BLTP1: variants seen among roughly 807,000 people sequenced by gnomAD.
The protein encoded by BLTP1 is bridge-like lipid transfer protein family member 1.
the BLTP1 span, chr4:122,247,299 T>G: frequency 3.1e-6 from 5 of 1,613,448 alleles, no homozygotes; most frequent in Non-Finnish European, 4.2e-6. Flanking sequence ...GCAAAGAAAT[T>G]GCAGCTAAGT....
chr4:122,179,887 C>T, the BLTP1 span: 1 of 985,272 alleles, frequency 1.0e-6, no homozygotes, highest in Non-Finnish European at 1.2e-6. Context: ...TCCCTGCCCC[C>T]CACATACAGA....
chr4:122,256,038 A>G, the BLTP1 span: 2 of 981,924 alleles, frequency 2.0e-6, no homozygotes, highest in African/African-American at 1.7e-5. Flanking sequence ...CACAAAATAA[A>G]TACAATCCAT....
the BLTP1 span, among the ~76,000 whole-genome samples, chr4:122,297,140 T>C: frequency 6.6e-6 from 1 of 152,002 alleles, no homozygotes. Context: ...ACAGACAGAA[T>C]GGGGAAAATT....
At chr4:122,295,576 C>CTTTTTTATAAGGAG in the BLTP1 span, among the ~76,000 whole-genome samples, 18 of 152,108 alleles carry the variant, frequency 1.2e-4, no homozygotes, top group African/African-American at 4.3e-4. Context: ...GGAGGGACTC[C>CTTTTTTATAAGGAG]TCCCTAACTC....
chr4:122,240,013 A>T, the BLTP1 span: 55 of 1,614,072 alleles, frequency 3.4e-5, no homozygotes, highest in Non-Finnish European at 4.5e-5. Context: ...CTTACTGGAC[A>T]TGGAGAAAGC....
At chr4:122,362,003 T>C in the BLTP1 span, 10 of 1,583,984 alleles carry the variant, frequency 6.3e-6, no homozygotes, top group South Asian at 1.0e-4. Context: ...ATTACACTCC[T>C]TAATAATAAC....
chr4:122,211,037 C>T, the BLTP1 span: 1 of 1,608,974 alleles, frequency 6.2e-7, no homozygotes, highest in Non-Finnish European at 8.5e-7. Context: ...ATGGAACTTT[C>T]TCCAGATTCT....
At chr4:122,360,237 C>T in the BLTP1 span, among the ~76,000 whole-genome samples, 6 of 152,312 alleles carry the variant, frequency 3.9e-5, no homozygotes, top group Admixed American at 2.0e-4. Context: ...TCAAATTTAA[C>T]ACTATCAGAT....
chr4:122,267,393 A>G, the BLTP1 span, among the ~76,000 whole-genome samples: 1 of 152,118 alleles, frequency 6.6e-6, no homozygotes. Context: ...TCAGAAGATA[A>G]TTACCTTTTA....
chr4:122,262,395 A>G, the BLTP1 span, among the ~76,000 whole-genome samples: 10 of 152,054 alleles, frequency 6.6e-5, no homozygotes, highest in Admixed American at 5.9e-4. Flanking sequence ...TTAGGTATGA[A>G]TAGTGCTTCA....
At chr4:122,344,369 G>T in the BLTP1 span, 6 of 1,612,528 alleles carry the variant, frequency 3.7e-6, no homozygotes, top group Non-Finnish European at 5.1e-6. Flanking sequence ...GTGTTTGTTT[G>T]TTTGTTTTAA....
the BLTP1 span, among the ~76,000 whole-genome samples, chr4:122,310,643 C>T: frequency 2.0e-5 from 3 of 152,266 alleles, no homozygotes; most frequent in East Asian, 5.8e-4. Flanking sequence ...CTCCTTTCCT[C>T]TGGGTATAGG....
chr4:122,336,376 TC>T, the BLTP1 span: 4 of 1,460,100 alleles, frequency 2.7e-6, no homozygotes, highest in Non-Finnish European at 3.7e-6. Context: ...CTTATATACC[TC>T]CCCATAACAT....
the BLTP1 span, chr4:122,331,109 G>A: frequency 1.0e-6 from 1 of 961,294 alleles, no homozygotes; most frequent in Non-Finnish European, 1.2e-6. Context: ...TGGTGATTAT[G>A]TCTGTGTCCT....
chr4:122,249,542 C>G, the BLTP1 span: 2 of 1,613,690 alleles, frequency 1.2e-6, no homozygotes, highest in South Asian at 2.2e-5. Context: ...GTTTTATTTA[C>G]TCTTGAAGAG....
At chr4:122,264,901 G>T in the BLTP1 span, among the ~76,000 whole-genome samples, 6 of 152,276 alleles carry the variant, frequency 3.9e-5, no homozygotes, top group South Asian at 6.2e-4. Context: ...TCACCCAGTG[G>T]TAATGAGACT....
At chr4:122,186,573 CAT>C in the BLTP1 span, among the ~76,000 whole-genome samples, 106 of 152,050 alleles carry the variant, frequency 7.0e-4, no homozygotes, top group African/African-American at 2.4e-3. Context: ...TGTTTCTAAA[CAT>C]ATGTGTTTAG....
the BLTP1 span, chr4:122,346,396 A>C: frequency 1.1e-6 from 1 of 911,136 alleles, no homozygotes; most frequent in African/African-American, 1.8e-5. Context: ...TGAGGATTTC[A>C]TGATAAAGTG....
the BLTP1 span, chr4:122,174,522 A>G: frequency 6.3e-7 from 1 of 1,593,918 alleles, no homozygotes; most frequent in East Asian, 2.2e-5. Context: ...TAAGGGCCCT[A>G]CTGTCTGTTA....
Sources: allele counts gnomAD v4.1 joint callset (sites outside exome capture counted in the v4.1 genomes callset), GRCh38; gene constraint gnomAD v4.1.1; transcripts MANE v1.5; gene names NCBI Gene and HGNC (gene_info 2026-07-23, HGNC 2026-07-21).